HS6ST3: variants seen among roughly 807,000 people sequenced by gnomAD.
HS6ST3 encodes the protein heparan sulfate 6-O-sulfotransferase 3.
In HS6ST3, 12 loss-of-function variants were observed where a neutral mutation model predicts 36.7. The observed-to-expected ratio is 0.33, with a 90% confidence interval of 0.21 to 0.53. The LOEUF is 0.53. Among genes scored for constraint, HS6ST3 ranks in the 20% least tolerant of loss-of-function variants. The pLI, the probability that HS6ST3 is intolerant of heterozygous loss-of-function variation, is 0.95. For synonymous variants in HS6ST3, 240 were observed against 257.5 expected (o/e 0.93, Z 0.65); for missense variants, 584 against 640.9 (o/e 0.91, Z 0.96).
chr13:96,800,778 A>G (rs1392127753), intron 1 of HS6ST3, among the ~76,000 whole-genome samples: 1 of 151,836 alleles, frequency 6.6e-6, no homozygotes, highest in Non-Finnish European at 1.5e-5. Flanking sequence ...TACTCCCACC[A>G]TCACTTCCCT....
chr13:96,169,156 G>A (rs1363080677), intron 1 of HS6ST3, among the ~76,000 whole-genome samples: 1 of 152,106 alleles, frequency 6.6e-6, no homozygotes, highest in Non-Finnish European at 1.5e-5. Flanking sequence ...GAGTTGAAAT[G>A]AAACTGAAGA....
intron 1 of HS6ST3, among the ~76,000 whole-genome samples, chr13:96,447,948 G>A (rs922012118): frequency 6.6e-6 from 1 of 152,058 alleles, no homozygotes; most frequent in African/African-American, 2.4e-5. Context: ...AAACTGGTGC[G>A]AGGACCAAGA....
At chr13:96,511,748 T>A (rs1470463947) in intron 1 of HS6ST3, among the ~76,000 whole-genome samples, 1 of 152,060 alleles carries the variant, frequency 6.6e-6, no homozygotes, top group Non-Finnish European at 1.5e-5. Flanking sequence ...TCCATCAGTG[T>A]TGGTTTGTGT....
intron 1 of HS6ST3, among the ~76,000 whole-genome samples, chr13:96,745,643 G>A (rs920261466): frequency 1.3e-5 from 2 of 152,042 alleles, no homozygotes; most frequent in Non-Finnish European, 1.5e-5. Context: ...TGTAAAGGGC[G>A]AAGAATTTCC....
At chr13:96,113,129 T>TTA (rs756579876) in intron 1 of HS6ST3, among the ~76,000 whole-genome samples, 2 of 152,156 alleles carry the variant, frequency 1.3e-5, no homozygotes, top group Non-Finnish European at 2.9e-5. Flanking sequence ...TCAAGCCTGT[T>TTA]TATGCTCAGG....
intron 1 of HS6ST3, among the ~76,000 whole-genome samples, chr13:96,395,618 C>T (rs1478265337): frequency 1.3e-5 from 2 of 152,202 alleles, no homozygotes; most frequent in East Asian, 3.9e-4. Flanking sequence ...CCCAGTGTCC[C>T]TGTTCTCATT....
At chr13:96,331,880 G>C (rs922078845) in intron 1 of HS6ST3, among the ~76,000 whole-genome samples, 2 of 152,198 alleles carry the variant, frequency 1.3e-5, no homozygotes, top group Non-Finnish European at 2.9e-5. Context: ...ATATAATCTC[G>C]TGGTGCGCCG....
chr13:96,206,858 AGAAGAAAAT>A (rs1296888336), intron 1 of HS6ST3, among the ~76,000 whole-genome samples: 1 of 152,206 alleles, frequency 6.6e-6, no homozygotes, highest in Admixed American at 6.5e-5. Context: ...TAAAAATCCT[AGAAGAAAAT>A]CTAGGAAACA....
chr13:96,111,959 C>T (rs2053870366), intron 1 of HS6ST3, among the ~76,000 whole-genome samples: 1 of 152,030 alleles, frequency 6.6e-6, no homozygotes, highest in Admixed American at 6.6e-5. Flanking sequence ...TTGACAAAAT[C>T]ATTCTAAAAT....
Position 96,091,284 on chromosome 13 carries a change from A to G in HS6ST3, c.422A>G (p.Asn141Ser), listed in dbSNP as rs150396139. The G allele has an allele frequency of 6.2e-4, 994 of 1,613,158 alleles. 1 individual carries two copies. Among genetic ancestry groups the G allele is most frequent in the Admixed American group, 9.0e-4 (54 of 59,930 alleles). ...GACCTGACCCGCTTCGTGGATTTCA[A>G]CATCAAAGGGCGCGACGTGATCGTG... is the stretch of plus-strand genomic sequence containing the variant. ...LKDLTRFVDF[N>S]IKGRDVIVFL... The change falls in exon 1 of 2, where the codon AAC becomes AGC. Residue 141 changes from asparagine (N) to serine (S), a missense_variant. This residue lies in a region of HS6ST3 where 217 missense variants were observed against 205.4 expected (regional missense o/e 1.06). Transcript: ENST00000376705.
At position 96,369,760 on chromosome 13, in the gene HS6ST3, C is replaced by G. The variant is rs1041087075; in HGVS notation, c.707+278191C>G. 2.6e-5 allele frequency among the ~76,000 whole-genome samples: 4 copies of G among 152,232 alleles called. No homozygotes were observed. The South Asian group carries it at 6.2e-4, about 24-fold the overall frequency. Reference sequence around the variant, plus strand: ...GTATAAAGCAGGGTGGGTTTTTTCCCCCTCTGAAGAAAGGGAGGGAAAAAT... The same window carrying G: ...GTATAAAGCAGGGTGGGTTTTTTCCGCCTCTGAAGAAAGGGAGGGAAAAAT... On this transcript the variant is annotated intron_variant, in intron 1 of 1. Transcript: ENST00000376705.
rs556141286 is a variant in HS6ST3, at chr13:96,663,746, C to T, written c.708-168744C>T. Among the ~76,000 whole-genome samples, 4 of 152,208 alleles carry T rather than the reference C, an allele frequency of 2.6e-5. No homozygotes were observed. In the South Asian group the frequency reaches 8.3e-4, roughly 32 times the overall value. ...AATCTAATAGTCCAATTCAAACGTC[C>T]ATCAATTTTAAAATGTGATATATCC... On this transcript the variant is annotated intron_variant, in intron 1 of 1. Coordinates refer to ENST00000376705, the MANE Select transcript of HS6ST3 (RefSeq NM_153456.4).
intron 1 of HS6ST3, among the ~76,000 whole-genome samples, chr13:96,636,445 C>T (rs1369293443): frequency 1.3e-5 from 2 of 152,080 alleles, no homozygotes; most frequent in Non-Finnish European, 2.9e-5. Flanking sequence ...GAATTTGGCT[C>T]CAAGTGTGCA....
chr13:96,626,731 C>G (rs537266272), intron 1 of HS6ST3, among the ~76,000 whole-genome samples: 12 of 151,888 alleles, frequency 7.9e-5, no homozygotes, highest in Non-Finnish European at 1.3e-4. Flanking sequence ...TTTTTGTAGA[C>G]TTTACTGTTC....
At chr13:96,498,923 G>T (rs1475728685) in intron 1 of HS6ST3, among the ~76,000 whole-genome samples, 1 of 151,946 alleles carries the variant, frequency 6.6e-6, no homozygotes, top group Non-Finnish European at 1.5e-5. Context: ...AACAGAATAT[G>T]TTAAATAAGA....
intron 1 of HS6ST3, among the ~76,000 whole-genome samples, chr13:96,660,512 A>C (rs1446189505): frequency 1.3e-5 from 2 of 152,178 alleles, no homozygotes; most frequent in Admixed American, 1.3e-4. Flanking sequence ...CTTATACCAT[A>C]CATAAAAATC....
chr13:96,732,232 T>A (rs547487700), intron 1 of HS6ST3, among the ~76,000 whole-genome samples: 20 of 152,324 alleles, frequency 1.3e-4, no homozygotes, highest in African/African-American at 4.1e-4. Flanking sequence ...CAGGCCTTTT[T>A]AAAATTTTTA....
intron 1 of HS6ST3, among the ~76,000 whole-genome samples, chr13:96,661,105 C>T (rs1052765963): frequency 2.6e-5 from 4 of 152,122 alleles, no homozygotes; most frequent in African/African-American, 9.7e-5. Flanking sequence ...GCACTGTTGG[C>T]TTCCCTACTT....
Position 96,355,396 on chromosome 13 carries a change from C to CACACAA in HS6ST3, c.707+263832_707+263833insAACACA, listed in dbSNP as rs1555300294. ...ACACACACACACACACACACACACA[C>CACACAA]ACACACAAACACACAAACACACACA... On this transcript the variant is annotated intron_variant, in intron 1 of 1. Coordinates refer to ENST00000376705, the MANE Select transcript of HS6ST3 (RefSeq NM_153456.4). 3.6e-3 allele frequency among the ~76,000 whole-genome samples: 487 copies of CACACAA among 134,626 alleles called. 1 individual carries two copies. Among genetic ancestry groups the CACACAA allele is most frequent in the Non-Finnish European group, 5.2e-3 (327 of 62,354 alleles). 88.3% of individuals were successfully genotyped at this position (134,626 alleles called of 152,430 possible). A position where few individuals can be genotyped will look rare whatever the true frequency, so the allele number is the denominator to read the frequency against.
Sources: gnomAD v4.1 joint callset for allele counts (sites outside exome capture counted in the v4.1 genomes callset) on GRCh38, gnomAD v4.1.1 for gene constraint, gnomAD v4.1.1 regional missense constraint, MANE v1.5 for transcripts, NCBI Gene and HGNC (gene_info 2026-07-23, HGNC 2026-07-21) for gene names.